ROBO2: variants seen among roughly 807,000 people sequenced by gnomAD.
ROBO2 encodes the protein roundabout homolog 2.
In ROBO2, 53 loss-of-function variants were observed where a neutral mutation model predicts 160.8. The observed-to-expected ratio is 0.33, with a 90% confidence interval of 0.26 to 0.41. ROBO2 has a LOEUF of 0.41. Among genes scored for constraint, ROBO2 ranks in the 10% least tolerant of loss-of-function variants. The probability of loss-of-function intolerance (pLI) is 1.00; values close to 1 mark genes in which losing one functional copy is unlikely to be tolerated. For missense variants in ROBO2, 1,577 were observed against 1,722.4 expected (o/e 0.92, Z 1.49); for synonymous variants, 664 against 611.7 (o/e 1.09, Z -1.26).
intron 5 of ROBO2, among the ~76,000 whole-genome samples, chr3:77,519,281 C>T (rs754298008): frequency 1.3e-5 from 2 of 151,288 alleles, no homozygotes; most frequent in African/African-American, 2.4e-5. Context: ...CTCAGGAAGT[C>T]AGATTTCAGA....
At chr3:76,264,728 A>G (rs1410598295) in intron 2 of ROBO2, among the ~76,000 whole-genome samples, 1 of 152,130 alleles carries the variant, frequency 6.6e-6, no homozygotes, top group African/African-American at 2.4e-5. Context: ...GGGTGACATA[A>G]GATCAGCTCT....
intron 9 of ROBO2, among the ~76,000 whole-genome samples, chr3:77,559,516 T>C (rs909694204): frequency 3.3e-5 from 5 of 152,076 alleles, no homozygotes; most frequent in Admixed American, 6.6e-5. Context: ...GAGAAATCTG[T>C]AGAATCTTGG....
At chr3:76,272,908 T>TATATTAAAATATATATATTTATATATAA (rs1559706209) in intron 2 of ROBO2, among the ~76,000 whole-genome samples, 4 of 33,298 alleles carry the variant, frequency 1.2e-4, no homozygotes, top group African/African-American at 3.5e-4. Flanking sequence ...AATATATATT[T>TATATTAAAATATATATATTTATATATAA]ATATATAAAA....
intron 2 of ROBO2, among the ~76,000 whole-genome samples, chr3:77,454,597 T>A (rs7651310): frequency 0.68 from 103,201 of 152,104 alleles, 36,220 homozygotes; most frequent in African/African-American, 0.87. Context: ...GAAAATTATT[T>A]TTAATCCATA....
chr3:76,272,893 A>T (rs7355839), intron 2 of ROBO2, among the ~76,000 whole-genome samples: 31,225 of 36,652 alleles, frequency 0.85, 13,517 homozygotes, highest in East Asian at 0.93. Flanking sequence ...TATATATAAA[A>T]ATATAATATA....
chr3:76,950,418 C>T (rs1261867987), intron 2 of ROBO2, among the ~76,000 whole-genome samples: 2 of 152,282 alleles, frequency 1.3e-5, no homozygotes, highest in East Asian at 1.9e-4. Context: ...ACATCAAACT[C>T]TCATTTTCTA....
chr3:76,845,738 TC>T (rs1559593779), intron 2 of ROBO2, among the ~76,000 whole-genome samples: 1 of 152,076 alleles, frequency 6.6e-6, no homozygotes, highest in African/African-American at 2.4e-5. Flanking sequence ...TTTCATACTT[TC>T]TTTTTTAAAA....
At chr3:76,128,031 G>C (rs2071066512) in intron 2 of ROBO2, among the ~76,000 whole-genome samples, 1 of 151,420 alleles carries the variant, frequency 6.6e-6, no homozygotes, top group Non-Finnish European at 1.5e-5. Context: ...GAGTAGCTGG[G>C]ACTACAGGCG....
intron 2 of ROBO2, among the ~76,000 whole-genome samples, chr3:76,238,297 A>C (rs558887468): frequency 3.9e-5 from 6 of 152,178 alleles, no homozygotes; most frequent in Admixed American, 1.3e-4. Context: ...ACTTATAATC[A>C]TAGGGGAATG....
intron 2 of ROBO2, among the ~76,000 whole-genome samples, chr3:77,186,897 A>G (rs564818853): frequency 2.6e-5 from 4 of 152,120 alleles, no homozygotes; most frequent in South Asian, 2.1e-4. Context: ...GAATTGTTAC[A>G]TGTTACGTAA....
chr3:76,018,087 A>C (rs1439474365), intron 2 of ROBO2, among the ~76,000 whole-genome samples: 1 of 152,144 alleles, frequency 6.6e-6, no homozygotes, highest in Non-Finnish European at 1.5e-5. Flanking sequence ...TATGCTTTGA[A>C]ATACTATTAG....
intron 2 of ROBO2, among the ~76,000 whole-genome samples, chr3:76,874,051 A>G (rs1407783964): frequency 6.6e-6 from 1 of 152,188 alleles, no homozygotes; most frequent in Non-Finnish European, 1.5e-5. Flanking sequence ...CAGTTCCCCA[A>G]GTTAAGAGGG....
At chr3:77,141,394 A>G (rs573623012) in intron 2 of ROBO2, among the ~76,000 whole-genome samples, 1 of 152,074 alleles carries the variant, frequency 6.6e-6, no homozygotes, top group African/African-American at 2.4e-5. Flanking sequence ...CCCACTCTTG[A>G]AGACCATTGC....
At chr3:76,580,222 T>C (rs1269177882) in intron 2 of ROBO2, among the ~76,000 whole-genome samples, 1 of 148,442 alleles carries the variant, frequency 6.7e-6, no homozygotes, top group East Asian at 2.0e-4. Flanking sequence ...AAAGTCATTA[T>C]TCATTATTAT....
chr3:76,721,888 T>C (rs1330342812), intron 2 of ROBO2, among the ~76,000 whole-genome samples: 1 of 152,176 alleles, frequency 6.6e-6, no homozygotes, highest in East Asian at 1.9e-4. Flanking sequence ...TACAAGAAAC[T>C]TGCGTGTATG....
At chr3:77,217,227 C>T (rs2085096988) in intron 2 of ROBO2, among the ~76,000 whole-genome samples, 1 of 152,080 alleles carries the variant, frequency 6.6e-6, no homozygotes, top group Non-Finnish European at 1.5e-5. Context: ...ACTGCAACCT[C>T]TGCCTCCTGG....
intron 2 of ROBO2, among the ~76,000 whole-genome samples, chr3:76,216,978 A>G (rs2107366690): frequency 6.6e-6 from 1 of 152,318 alleles, no homozygotes; most frequent in Non-Finnish European, 1.5e-5. Flanking sequence ...CCACAGTGCA[A>G]TCAAACTAGA....
intron 2 of ROBO2, among the ~76,000 whole-genome samples, chr3:76,514,685 CTA>C (rs758900462): frequency 6.6e-6 from 1 of 152,134 alleles, no homozygotes; most frequent in Non-Finnish European, 1.5e-5. Context: ...AAACCCACTT[CTA>C]AATGTCAGTT....
chr3:76,446,044 A>T (rs555361617), intron 2 of ROBO2, among the ~76,000 whole-genome samples: 1 of 152,140 alleles, frequency 6.6e-6, no homozygotes, highest in Non-Finnish European at 1.5e-5. Context: ...GGCCAGGGCA[A>T]TCAGGCAGGA....
Sources: allele counts gnomAD v4.1 joint callset (sites outside exome capture counted in the v4.1 genomes callset), GRCh38; gene constraint gnomAD v4.1.1; transcripts MANE v1.5; gene names NCBI Gene and HGNC (gene_info 2026-07-23, HGNC 2026-07-21).